The following MAST2 variants were observed in gnomAD, a reference collection of about 807,000 sequenced individuals.
The protein encoded by MAST2 is microtubule associated serine/threonine kinase 2.
Under a neutral mutation model 147.4 loss-of-function variants are expected in MAST2, and 70 were observed. That is an observed-to-expected ratio of 0.47 (90% CI 0.39 to 0.58). MAST2 has a LOEUF of 0.58. Among genes scored for constraint, MAST2 ranks in the 20% least tolerant of loss-of-function variants. The pLI, the probability that MAST2 is intolerant of heterozygous loss-of-function variation, is 0.00. For missense variants in MAST2, 2,080 were observed against 2,302.3 expected, an observed-to-expected ratio of 0.90 and a Z score of 1.98; for synonymous variants, 869 against 896.8, an observed-to-expected ratio of 0.97 and a Z score of 0.55.
intron 3 of MAST2, among the ~76,000 whole-genome samples, chr1:45,856,565 A>C (rs1003592647): frequency 1.3e-5 from 2 of 152,142 alleles, no homozygotes; most frequent in Non-Finnish European, 2.9e-5. Context: ...TTATTCTTTG[A>C]GTGTTACATG....
intron 9 of MAST2, 88 bp from the exon 10 acceptor site, chr1:46,010,642 T>C: frequency 8.9e-7 from 1 of 1,120,084 alleles, no homozygotes; most frequent in East Asian, 2.5e-5. Flanking sequence ...AGGGAGCCCA[T>C]TATTTTGCTA....
In MAST2 at chr1:45,889,198, T is replaced by G. The variant is rs768412094; in HGVS notation, c.500+6803T>G. ...TAAACTTTTTTGGTGAAATTTTTTT[T>G]TTTTTGAAACAGAATCTCACTTTGT... On this transcript the variant is annotated intron_variant, in intron 4 of 28. Coordinates refer to ENST00000361297, the MANE Select transcript of MAST2 (RefSeq NM_015112.3). 8.4e-4 allele frequency among the ~76,000 whole-genome samples: 128 copies of G among 152,214 alleles called. 1 individual carries two copies. The highest frequency in any genetic ancestry group is 4.6e-4 in the Admixed American group (7 of 15,282).
intron 4 of MAST2, among the ~76,000 whole-genome samples, chr1:45,939,830 G>A (rs1164703644): frequency 3.3e-5 from 5 of 151,840 alleles, no homozygotes; most frequent in Admixed American, 6.6e-5. Context: ...GTGAGCCACC[G>A]TGCCTGGCCC....
At position 45,824,423 on chromosome 1, in the gene MAST2, C is replaced by T; in HGVS notation, c.178-10C>T. ...TAAAGACTCATGTTTTACTCTTTTTCTCTTTGAAGGATGTAGTAACTGGAG... is the reference window on the plus strand; with the variant it reads ...TAAAGACTCATGTTTTACTCTTTTTTTCTTTGAAGGATGTAGTAACTGGAG... On this transcript the variant is annotated splice_polypyrimidine_tract_variant and intron_variant, in intron 1 of 28. Coordinates refer to ENST00000361297, the MANE Select transcript of MAST2 (RefSeq NM_015112.3). 1 of 1,577,968 alleles carries T rather than the reference C, an allele frequency of 6.3e-7. No homozygotes were observed. The highest frequency in any genetic ancestry group is 1.2e-5 in the South Asian group (1 of 86,130).
intron 4 of MAST2, chr1:45,913,555 G>A: frequency 1.0e-6 from 1 of 982,984 alleles, no homozygotes; most frequent in African/African-American, 1.7e-5. Context: ...CTGGCTGAGT[G>A]TGAATGATGT....
intron 4 of MAST2, among the ~76,000 whole-genome samples, chr1:45,925,429 G>A (rs1162403673): frequency 1.3e-5 from 2 of 152,180 alleles, no homozygotes; most frequent in African/African-American, 4.8e-5. Flanking sequence ...TGTCTTCTAA[G>A]AAAATGATTC....
intron 3 of MAST2, among the ~76,000 whole-genome samples, chr1:45,859,090 C>G (rs564974293): frequency 6.6e-6 from 1 of 152,078 alleles, no homozygotes; most frequent in Non-Finnish European, 1.5e-5. Context: ...CTTGGCAATG[C>G]GGGCCCTTTT....
intron 4 of MAST2, among the ~76,000 whole-genome samples, chr1:45,951,973 C>G (rs1384263450): frequency 6.6e-6 from 1 of 152,154 alleles, no homozygotes; most frequent in Non-Finnish European, 1.5e-5. Flanking sequence ...AAAAATAAAT[C>G]CCCATCTAGA....
intron 4 of MAST2, among the ~76,000 whole-genome samples, chr1:45,937,508 G>A (rs2148765877): frequency 6.6e-6 from 1 of 152,098 alleles, no homozygotes; most frequent in South Asian, 2.1e-4. Context: ...CTAGCACTTT[G>A]GGAGGCCGAG....
intron 6 of MAST2, among the ~76,000 whole-genome samples, chr1:46,000,009 G>A (rs1645208516): frequency 6.6e-6 from 1 of 152,058 alleles, no homozygotes; most frequent in Non-Finnish European, 1.5e-5. Flanking sequence ...AGAGCATGAT[G>A]CTGCATGAAA....
chr1:45,889,165 TATTA>T (rs1353575426), intron 4 of MAST2, among the ~76,000 whole-genome samples: 1 of 152,164 alleles, frequency 6.6e-6, no homozygotes, highest in Non-Finnish European at 1.5e-5. Flanking sequence ...CATTATTAGA[TATTA>T]ATTTAAACTT....
chr1:45,929,700 T>A (rs375304089), intron 4 of MAST2, among the ~76,000 whole-genome samples: 1 of 152,270 alleles, frequency 6.6e-6, no homozygotes, highest in East Asian at 1.9e-4. Context: ...ACTGGAGTAG[T>A]CAGAGAAACG....
chr1:46,031,595 C>A lies in MAST2; in HGVS notation c.3187+10C>A. On this transcript the variant is annotated intron_variant, in intron 24 of 28. Coordinates refer to ENST00000361297, the MANE Select transcript of MAST2 (RefSeq NM_015112.3). The surrounding 1 kb of genome is among the most constrained non-coding windows in gnomAD (Gnocchi z 4.1). ...CTCCTCATTCCTTCGGGTGAGGCCC[C>A]TGGGGAGCTGGGATAAAACTCACAG... The A allele has an allele frequency of 6.2e-7, 1 of 1,604,478 alleles. No individual in the cohort carries two copies. The highest frequency in any genetic ancestry group is 8.5e-7 in the Non-Finnish European group (1 of 1,172,716).
In MAST2 at chr1:45,936,766, A is replaced by G. The variant is rs560326229; in HGVS notation, c.501-22620A>G. Among the ~76,000 whole-genome samples, 111 of 152,254 alleles carry G rather than the reference A, an allele frequency of 7.3e-4. 1 individual carries two copies. The highest frequency in any genetic ancestry group is 7.5e-4 in the Non-Finnish European group (51 of 67,998). ...TCAACCCCAACCCAGCCACATGGCC[A>G]CCATCATCATCATCATCTTGTGGCC... On this transcript the variant is annotated intron_variant, in intron 4 of 28. Coordinates refer to ENST00000361297, the MANE Select transcript of MAST2 (RefSeq NM_015112.3).
chr1:45,866,966 G>T (rs1646179824), intron 3 of MAST2, among the ~76,000 whole-genome samples: 2 of 152,032 alleles, frequency 1.3e-5, no homozygotes, highest in African/African-American at 4.8e-5. Context: ...GGCCAGCCGG[G>T]TCTCAAACTC....
chr1:45,983,112 C>G (rs1644477855), intron 5 of MAST2, among the ~76,000 whole-genome samples: 1 of 152,140 alleles, frequency 6.6e-6, no homozygotes, highest in Admixed American at 6.5e-5. Flanking sequence ...AACTCCATAA[C>G]TTGGAAACCA....
intron 4 of MAST2, among the ~76,000 whole-genome samples, chr1:45,922,785 C>G (rs933049690): frequency 6.6e-6 from 1 of 152,166 alleles, no homozygotes; most frequent in Non-Finnish European, 1.5e-5. Context: ...TTTTCCCTGG[C>G]TCCCACCGAC....
chr1:45,830,019 T>G (rs1236730953), intron 3 of MAST2, among the ~76,000 whole-genome samples: 2 of 151,642 alleles, frequency 1.3e-5, no homozygotes, highest in Non-Finnish European at 2.9e-5. Context: ...CACCCCTGGC[T>G]AATTTTTTTG....
At chr1:45,914,595 T>C (rs2148597377) in intron 4 of MAST2, among the ~76,000 whole-genome samples, 1 of 152,220 alleles carries the variant, frequency 6.6e-6, no homozygotes, top group Non-Finnish European at 1.5e-5. Context: ...GCTAAGGGAG[T>C]GTACTTCAGA....
Sources: allele counts gnomAD v4.1 joint callset (sites outside exome capture counted in the v4.1 genomes callset), GRCh38; gene constraint gnomAD v4.1.1; non-coding constraint Gnocchi (gnomAD v3.1); transcripts MANE v1.5; gene names NCBI Gene and HGNC (gene_info 2026-07-23, HGNC 2026-07-21).